Variants in ANK1 observed in about 807,000 individuals in gnomAD.
ANK1 encodes ankyrin-1.
A neutral mutation model predicts 210.4 loss-of-function variants in ANK1; 51 were observed. The ratio of observed to expected loss-of-function variants is 0.24; its 90% confidence interval spans 0.19 to 0.31. The LOEUF (loss-of-function observed/expected upper bound fraction) is 0.31. ANK1 is among the 10% of genes least tolerant of loss of function. ANK1 has a pLI of 1.00. For synonymous variants in ANK1, 967 were observed against 1,025.9 expected, an observed-to-expected ratio of 0.94 and a Z score of 1.10; for missense variants, 2,051 against 2,504.4, an observed-to-expected ratio of 0.82 and a Z score of 3.86.
chr8:41,707,406 C>T (rs1483168627), intron 17 of ANK1, among the ~76,000 whole-genome samples: 1 of 152,224 alleles, frequency 6.6e-6, no homozygotes, highest in Non-Finnish European at 1.5e-5. Flanking sequence ...ACTTGCCCTC[C>T]TCTGCCTTCT....
chr8:41,677,208 C>G (rs911967022), intron 37 of ANK1, among the ~76,000 whole-genome samples: 7 of 152,054 alleles, frequency 4.6e-5, no homozygotes, highest in African/African-American at 1.7e-4. Context: ...ATTCCTTATT[C>G]CTGATATTGG....
chr8:41,690,260 G>A lies in ANK1; in HGVS notation c.4071C>T (p.Cys1357=). ...MKYEDTQHIL[C]HLNITMPPCA... is the part of the protein sequence containing the mutation. ...AGGGGGGCATGGTGATGTTCAGGTG[G>A]CAGAGAATGTGCTGGGTGTCCTCGT... Residue 1357 remains cysteine, a synonymous_variant, in exon 33 of 43, where the codon TGC becomes TGT. Coordinates refer to ENST00000289734, the MANE Select transcript of ANK1 (RefSeq NM_000037.4). 6.2e-7 allele frequency: 1 copy of A among 1,614,256 alleles called. No individual in the cohort carries two copies. The highest frequency in any genetic ancestry group is 8.5e-7 in the Non-Finnish European group (1 of 1,180,050).
chr8:41,658,324 T>G (rs1304329648), intron 42 of ANK1, among the ~76,000 whole-genome samples: 1 of 152,256 alleles, frequency 6.6e-6, no homozygotes, highest in East Asian at 1.9e-4. Context: ...GACCTGCAAT[T>G]GTTTGAGTCC....
At chr8:41,841,711 A>G (rs1160892374) in intron 1 of ANK1, among the ~76,000 whole-genome samples, 1 of 152,152 alleles carries the variant, frequency 6.6e-6, no homozygotes, top group African/African-American at 2.4e-5. Flanking sequence ...TTTTTTGTAT[A>G]TCAATTACAT....
At position 41,661,731 on chromosome 8, in the gene ANK1, G is replaced by A. The variant is rs116839768; in HGVS notation, c.5544+145C>T. 1.7e-3 allele frequency: 2,734 copies of A among 1,603,170 alleles called. 39 individuals are homozygous for A. In the African/African-American group the frequency reaches 0.031, roughly 18 times the overall value. ...AGAGGTGAGTGGAGGGAGGTGTCATGCAGACGGCCCGGCAGAGCAAGGCAG... is the reference window on the plus strand; with the variant it reads ...AGAGGTGAGTGGAGGGAGGTGTCATACAGACGGCCCGGCAGAGCAAGGCAG... On this transcript the variant is annotated intron_variant, in intron 41 of 42. Transcript: ENST00000289734.
At chr8:41,722,288 T>G (rs571415772) in intron 9 of ANK1, among the ~76,000 whole-genome samples, 1 of 152,240 alleles carries the variant, frequency 6.6e-6, no homozygotes, top group Non-Finnish European at 1.5e-5. Context: ...GTGGGGACTA[T>G]GAATCATGAC....
At chr8:41,809,895 T>C (rs1202162045) in intron 1 of ANK1, among the ~76,000 whole-genome samples, 2 of 152,218 alleles carry the variant, frequency 1.3e-5, no homozygotes, top group Non-Finnish European at 2.9e-5. Context: ...GCTCTGCCTC[T>C]CCTACTTTGT....
At chr8:41,698,366 T>C (rs1274059545) in intron 23 of ANK1, among the ~76,000 whole-genome samples, 1 of 152,206 alleles carries the variant, frequency 6.6e-6, no homozygotes, top group African/African-American at 2.4e-5. Flanking sequence ...TAACAATATA[T>C]CTTTCTGTGT....
chr8:41,873,998 G>T (rs1816078219), intron 1 of ANK1, among the ~76,000 whole-genome samples: 1 of 152,114 alleles, frequency 6.6e-6, no homozygotes, highest in African/African-American at 2.4e-5. Flanking sequence ...ACACATGCAG[G>T]CACACACAAG....
Position 41,693,094 on chromosome 8 carries a change from C to A in ANK1, c.3629+11G>T. ...CCCACACAATACTGGGCTGGGCTGG[C>A]CTCGTCTCACCTGGCAGAGACATTG... On this transcript the variant is annotated intron_variant, in intron 30 of 42. Transcript: ENST00000289734. 7 of 1,600,358 alleles carry A rather than the reference C, an allele frequency of 4.4e-6. No individual in the cohort carries two copies. Among genetic ancestry groups the A allele is most frequent in the Non-Finnish European group, 5.1e-6 (6 of 1,167,524 alleles).
intron 1 of ANK1, among the ~76,000 whole-genome samples, chr8:41,854,929 T>C (rs770089701): frequency 1.4e-5 from 2 of 145,482 alleles, no homozygotes; most frequent in Non-Finnish European, 3.0e-5. Flanking sequence ...TCCTGGATGA[T>C]AGAATGCAAC....
intron 39 of ANK1, among the ~76,000 whole-genome samples, chr8:41,664,453 A>G (rs1809671876): frequency 6.6e-6 from 1 of 152,200 alleles, no homozygotes. Context: ...ACTGCACTCC[A>G]GCCTGGACTA....
intron 20 of ANK1, among the ~76,000 whole-genome samples, chr8:41,703,204 A>G (rs76759842): frequency 0.036 from 5,428 of 151,980 alleles, 176 homozygotes; most frequent in African/African-American, 0.089. Context: ...GGTCAGATGA[A>G]GAAGCTCACA....
At chr8:41,786,923 C>G (rs546277931) in intron 1 of ANK1, among the ~76,000 whole-genome samples, 3 of 152,358 alleles carry the variant, frequency 2.0e-5, no homozygotes, top group Admixed American at 2.0e-4. Context: ...AGTGATGGAA[C>G]AAGTTCCCTT....
At chr8:41,682,776 G>A (rs892716326) in intron 37 of ANK1, among the ~76,000 whole-genome samples, 2 of 152,222 alleles carry the variant, frequency 1.3e-5, no homozygotes, top group Admixed American at 6.5e-5. Context: ...TCAGGGCACA[G>A]GAAATCAAAA....
At position 41,725,747 on chromosome 8, in the gene ANK1, C is replaced by G. The variant is rs1273978369; in HGVS notation, c.612+14G>C. The G allele has an allele frequency of 6.2e-7, 1 of 1,606,688 alleles. No individual in the cohort carries two copies. Among genetic ancestry groups the G allele is most frequent in the Admixed American group, 1.7e-5 (1 of 59,766 alleles). On this transcript the variant is annotated intron_variant, in intron 6 of 42. Transcript: ENST00000289734. ...GTCCGCGGCCCAAGGCTCCTCCCTC[C>G]TCCTCGCCCTCACCTTGGAAAGCAC...
chr8:41,718,847 C>T (rs1340467315), intron 10 of ANK1, among the ~76,000 whole-genome samples: 2 of 152,162 alleles, frequency 1.3e-5, no homozygotes, highest in African/African-American at 4.8e-5. Context: ...GCCAGGGACG[C>T]TGCTAAACAT....
chr8:41,823,105 C>T (rs1213738458), intron 1 of ANK1, among the ~76,000 whole-genome samples: 3 of 152,202 alleles, frequency 2.0e-5, no homozygotes, highest in Non-Finnish European at 4.4e-5. Context: ...CTCTCATACA[C>T]GGCGCATGAC....
intron 2 of ANK1, among the ~76,000 whole-genome samples, chr8:41,741,187 A>C (rs1834701680): frequency 6.6e-6 from 1 of 152,154 alleles, no homozygotes; most frequent in African/African-American, 2.4e-5. Flanking sequence ...CAAAAATAAA[A>C]ATAAAGGTGA....
Sources: gnomAD v4.1 joint callset for allele counts (sites outside exome capture counted in the v4.1 genomes callset) on GRCh38, gnomAD v4.1.1 for gene constraint, MANE v1.5 for transcripts, NCBI Gene and HGNC (gene_info 2026-07-23, HGNC 2026-07-21) for gene names.